The following SAFB2 variants were observed in gnomAD, a reference collection of about 807,000 sequenced individuals.
SAFB2 encodes the protein scaffold attachment factor B2.
Under a neutral mutation model 100.6 loss-of-function variants are expected in SAFB2, and 32 were observed. The observed-to-expected ratio is 0.32, with a 90% CI of 0.24 to 0.43. The LOEUF (loss-of-function observed/expected upper bound fraction) is 0.43. SAFB2 is among the 20% of genes least tolerant of loss of function. The pLI is 1.00. For missense variants in SAFB2, 1,185 were observed against 1,163.4 expected (o/e 1.02, Z -0.27); for synonymous variants, 500 against 439.4 (o/e 1.14, Z -1.72).
chr19:5,616,191 T>A lies in SAFB2; in HGVS notation c.484A>T (p.Ser162Cys). The change falls in exon 4 of 21, where the codon AGT (serine) becomes TGT (cysteine). Residue 162 changes from serine (S) to cysteine (C), a missense_variant. Physicochemically the swap from Ser to Cys is moderately radical, Grantham distance 112. Coordinates refer to ENST00000252542, the MANE Select transcript of SAFB2 (RefSeq NM_014649.3). ...TDGLLDSFCD[S>C]KEYVAAQLRQ... ...AGCTGTGCAGCCACGTATTCTTTAC[T>A]ATCACAAAAGGAATCGAGAAGGCCG... 1 of 1,614,226 alleles carries A rather than the reference T, an allele frequency of 6.2e-7. No homozygotes were observed. Among genetic ancestry groups the A allele is most frequent in the Non-Finnish European group, 8.5e-7 (1 of 1,180,026 alleles).
At position 5,622,299 on chromosome 19, in the gene SAFB2, A is replaced by G. The variant is rs943279846; in HGVS notation, c.186+231T>C. Among the ~76,000 whole-genome samples the G allele has an allele frequency of 3.3e-5, 5 of 152,144 alleles. 1 individual carries two copies. The highest frequency in any genetic ancestry group is 3.3e-4 in the Admixed American group (5 of 15,302). On this transcript the variant is annotated intron_variant, in intron 1 of 20. Transcript: ENST00000252542. ...TGGTAGCGGAGAAGACCGCACGCTG[A>G]GCGCGCTTGAGGAGAAAAGGTGGAA...
intron 12 of SAFB2, 105 bp downstream of exon 12, chr19:5,600,025 A>C (rs1599245335): frequency 8.3e-7 from 1 of 1,207,782 alleles, no homozygotes; most frequent in Non-Finnish European, 1.2e-6. Flanking sequence ...GAACAGCGAA[A>C]CAGCCATGTC....
chr19:5,611,829 G>A (rs1343933019), intron 6 of SAFB2, 199 bp from the exon 7 acceptor site: 18 of 694,932 alleles, frequency 2.6e-5, no homozygotes, highest in Non-Finnish European at 4.2e-5. Context: ...AAGCCTCTAC[G>A]CTACACGGAA....
At position 5,592,893 on chromosome 19, in the gene SAFB2, G is replaced by A. The variant is rs751428125; in HGVS notation, c.2208-6C>T. 1.1e-5 allele frequency: 18 copies of A among 1,613,482 alleles called. No individual in the cohort carries two copies. Among genetic ancestry groups the A allele is most frequent in the Non-Finnish European group, 1.4e-5 (16 of 1,179,640 alleles). ...GCCAATAGGCATCATCTCGTCTGTT[G>A]GTTTTTATTTTAAAAGAATACAAAT... is the stretch of plus-strand genomic sequence containing the variant. On this transcript the variant is annotated splice_polypyrimidine_tract_variant and splice_region_variant and intron_variant, in intron 15 of 20. Coordinates refer to ENST00000252542, the MANE Select transcript of SAFB2 (RefSeq NM_014649.3).
rs1298411037 is a variant in SAFB2, at chr19:5,587,800, T to C, written c.2639-33A>G. 6.4e-7 allele frequency: 1 copy of C among 1,558,614 alleles called. No individual in the cohort carries two copies. The highest frequency in any genetic ancestry group is 1.2e-5 in the South Asian group (1 of 84,994). On this transcript the variant is annotated intron_variant, in intron 19 of 20. Transcript: ENST00000252542. The surrounding 1 kb of genome is among the most constrained non-coding windows in gnomAD (Gnocchi z 4.9). ...AGAAGAAGGGTCTGCAAACACTCCG[T>C]TCCTGGGGAAGCCCCTGGACACATG...
chr19:5,601,331 A>G (rs565991522), intron 11 of SAFB2, among the ~76,000 whole-genome samples: 1 of 152,228 alleles, frequency 6.6e-6, no homozygotes, highest in Non-Finnish European at 1.5e-5. Flanking sequence ...CTACAGTGAC[A>G]TTTTGTAAGA....
At chr19:5,591,123 G>T (rs893169245) in intron 17 of SAFB2, among the ~76,000 whole-genome samples, 2 of 152,152 alleles carry the variant, frequency 1.3e-5, no homozygotes, top group African/African-American at 2.4e-5. Context: ...GTTCTTGGGG[G>T]ACCCCACAGG....
At chr19:5,592,638 C>G in intron 16 of SAFB2, 109 bp downstream of exon 16, 1 of 1,265,988 alleles carries the variant, frequency 7.9e-7, no homozygotes, top group Non-Finnish European at 1.1e-6. Context: ...CAGAAGTAAA[C>G]GAGGCTTCAG....
At chr19:5,589,267 A>C (rs1025092196) in intron 18 of SAFB2, among the ~76,000 whole-genome samples, 1 of 152,170 alleles carries the variant, frequency 6.6e-6, no homozygotes, top group African/African-American at 2.4e-5. Context: ...CAGGAATGCT[A>C]ATGAAGTCTC....
At chr19:5,613,628 A>C (rs1599272294) in intron 4 of SAFB2, 101 bp from the exon 5 acceptor site, 1 of 1,526,530 alleles carries the variant, frequency 6.6e-7, no homozygotes, top group African/African-American at 1.4e-5. Flanking sequence ...CCCTCACGGC[A>C]CCTTTTGCCA....
chr19:5,595,243 C>T (rs2052511242), intron 14 of SAFB2, 118 bp downstream of exon 14: 5 of 1,371,780 alleles, frequency 3.6e-6, no homozygotes, highest in Admixed American at 4.3e-5. Context: ...GCACGACACC[C>T]GCCAGCCCAG....
At chr19:5,621,451 G>C in intron 1 of SAFB2, 55 bp from the exon 2 acceptor site, 3 of 1,127,954 alleles carry the variant, frequency 2.7e-6, no homozygotes, top group Non-Finnish European at 4.1e-6. Context: ...GGCACACACT[G>C]TTCCTTACAA....
At chr19:5,588,129 A>G (rs2052304189) in intron 18 of SAFB2, 149 bp from the exon 19 acceptor site, 4 of 711,686 alleles carry the variant, frequency 5.6e-6, no homozygotes, top group Non-Finnish European at 9.0e-6. Context: ...GGGAAGGGAC[A>G]TTTCCCCAAA....
At position 5,594,006 on chromosome 19, in the gene SAFB2, G is replaced by A. The variant is rs1466421877; in HGVS notation, c.2092C>T (p.Arg698Cys). ...TGGATGCGCTCCTGCTCCTTCCTGC[G>A]CTCACGCTCCACGCGCATGCGCTCG... Reference protein sequence around the residue: ...ERERMRVERERRKEQERIHRE... With the variant: ...ERERMRVERECRKEQERIHRE... The change falls in exon 15 of 21, where the codon CGC (arginine) becomes TGC (cysteine). Residue 698 changes from arginine (R) to cysteine (C), a missense_variant. Coordinates refer to ENST00000252542, the MANE Select transcript of SAFB2 (RefSeq NM_014649.3). 1.9e-6 allele frequency: 3 copies of A among 1,561,954 alleles called. No homozygotes were observed. Among genetic ancestry groups the A allele is most frequent in the African/African-American group, 2.7e-5 (2 of 73,926 alleles).
At chr19:5,615,700 T>G (rs760791966) in intron 4 of SAFB2, among the ~76,000 whole-genome samples, 1 of 152,206 alleles carries the variant, frequency 6.6e-6, no homozygotes, top group Non-Finnish European at 1.5e-5. Flanking sequence ...AGACCCTGTC[T>G]CTAAATAAAT....
At chr19:5,620,850 C>T (rs1039406632) in intron 2 of SAFB2, among the ~76,000 whole-genome samples, 2 of 152,084 alleles carry the variant, frequency 1.3e-5, no homozygotes, top group African/African-American at 4.8e-5. Context: ...ATTCAAAAAC[C>T]GTAATAGTAA....
intron 11 of SAFB2, among the ~76,000 whole-genome samples, chr19:5,601,562 T>G (rs2052658464): frequency 6.6e-6 from 1 of 151,730 alleles, no homozygotes; most frequent in Non-Finnish European, 1.5e-5. Context: ...TACAAAAAAA[T>G]TTAGCCAGGC....
chr19:5,604,460 G>A (rs1176372932), intron 11 of SAFB2, 123 bp downstream of exon 11: 4 of 652,410 alleles, frequency 6.1e-6, no homozygotes, highest in Non-Finnish European at 1.1e-5. Context: ...TGAGACTCCA[G>A]CAGGAAGCTG....
chr19:5,590,251 C>T (rs1043796062), intron 18 of SAFB2, 27 bp downstream of exon 18: 11 of 1,535,730 alleles, frequency 7.2e-6, no homozygotes, highest in Middle Eastern at 1.7e-4. Context: ...CAGATGCTCC[C>T]CACCCGGCTG....
Sources: gnomAD v4.1 joint callset for allele counts (sites outside exome capture counted in the v4.1 genomes callset) on GRCh38, gnomAD v4.1.1 for gene constraint, Gnocchi (gnomAD v3.1) non-coding constraint, MANE v1.5 for transcripts, NCBI Gene and HGNC (gene_info 2026-07-23, HGNC 2026-07-21) for gene names.